Variants in DSCAML1 observed in about 807,000 individuals in gnomAD.
DSCAML1 encodes DS cell adhesion molecule like 1, also known as cell adhesion molecule DSCAML1.
In DSCAML1, 38 loss-of-function variants were observed where a neutral mutation model predicts 200.5. That is an observed-to-expected ratio of 0.19 (90% confidence interval 0.15 to 0.25). DSCAML1 has a LOEUF of 0.25. Among genes scored for constraint, DSCAML1 ranks in the 10% least tolerant of loss-of-function variants. DSCAML1 has a pLI of 1.00. For missense variants in DSCAML1, 2,223 were observed against 2,858.8 expected (o/e 0.78, Z 5.07); for synonymous variants, 1,215 against 1,165.0 (o/e 1.04, Z -0.87).
chr11:117,428,907 G>A (rs2047725128), intron 32 of DSCAML1, 104 bp from the exon 33 acceptor site: 2 of 1,172,170 alleles, frequency 1.7e-6, no homozygotes, highest in South Asian at 1.4e-5. Flanking sequence ...TCTCTGATTT[G>A]GCATAGGGGC....
chr11:117,785,857 G>T (rs1314218594), intron 1 of DSCAML1, among the ~76,000 whole-genome samples: 1 of 152,142 alleles, frequency 6.6e-6, no homozygotes, highest in Non-Finnish European at 1.5e-5. Flanking sequence ...CATTTTAAGG[G>T]TGAGGAAAAG....
chr11:117,686,594 C>T (rs2053404061), intron 3 of DSCAML1, among the ~76,000 whole-genome samples: 1 of 152,256 alleles, frequency 6.6e-6, no homozygotes, highest in Non-Finnish European at 1.5e-5. Context: ...TCTTGGCCTG[C>T]TTGTGGCCAA....
At position 117,529,427 on chromosome 11, in the gene DSCAML1, G is replaced by A. The variant is rs1168637328; in HGVS notation, c.658+2949C>T. 4.6e-5 allele frequency among the ~76,000 whole-genome samples: 7 copies of A among 152,256 alleles called. No homozygotes were observed. In the South Asian group the frequency reaches 1.0e-3, roughly 23 times the overall value. On this transcript the variant is annotated intron_variant, in intron 4 of 32. Transcript: ENST00000651296. ...TCATTCTCATGGCAACCCAGCAGGA[G>A]TACATTTTGTTACTCCCATTTTCCG...
intron 3 of DSCAML1, among the ~76,000 whole-genome samples, chr11:117,550,770 ACT>A (rs1232192459): frequency 2.0e-5 from 3 of 152,034 alleles, no homozygotes; most frequent in Non-Finnish European, 2.9e-5. Context: ...ACTCGCTGAC[ACT>A]CTCTGCACAA....
intron 3 of DSCAML1, among the ~76,000 whole-genome samples, chr11:117,651,858 G>C (rs145845309): frequency 6.6e-6 from 1 of 151,736 alleles, no homozygotes; most frequent in Admixed American, 6.6e-5. Flanking sequence ...ATGTCTCCCC[G>C]AGCCTCTGCA....
At chr11:117,736,890 A>G (rs1216327888) in intron 3 of DSCAML1, among the ~76,000 whole-genome samples, 1 of 152,212 alleles carries the variant, frequency 6.6e-6, no homozygotes, top group Non-Finnish European at 1.5e-5. Context: ...AGCTGTTGCA[A>G]TGTGGGCAAG....
At chr11:117,655,766 G>A (rs2052721019) in intron 3 of DSCAML1, among the ~76,000 whole-genome samples, 1 of 152,206 alleles carries the variant, frequency 6.6e-6, no homozygotes, top group Non-Finnish European at 1.5e-5. Context: ...AGATGCTGGG[G>A]AGAAAAGGCA....
At chr11:117,602,950 A>C (rs2051492269) in intron 3 of DSCAML1, among the ~76,000 whole-genome samples, 1 of 152,006 alleles carries the variant, frequency 6.6e-6, no homozygotes, top group South Asian at 2.1e-4. Context: ...AAAAAGTACA[A>C]CCAGGTGTGG....
Position 117,776,841 on chromosome 11 carries a change from T to G in DSCAML1, c.461A>C (p.Glu154Ala). The G allele has an allele frequency of 6.2e-7, 1 of 1,614,138 alleles. No homozygotes were observed. The change falls in exon 3 of 33, where the codon GAA becomes GCA. Residue 154 changes from glutamate to alanine, a missense_variant. Physicochemically the swap from Glu to Ala is moderately radical, Grantham distance 107. Around this residue, in one of 7 missense-constraint regions of DSCAML1, gnomAD observed 579 missense variants for 721.5 expected, o/e 0.80. Coordinates refer to ENST00000651296, the MANE Select transcript of DSCAML1 (RefSeq NM_020693.4). ...CTCCCAAGATACAACGCTAACATAT[T>G]CCTGCACTGAAGAGGGGATGAGGCA... ...FKCLIPSSVQ[E>A]YVSVVSWEKD... is the part of the protein sequence containing the mutation.
rs1165803897 is a variant in DSCAML1, at chr11:117,431,636, G to A, written c.5272C>T (p.Pro1758Ser). 6.2e-7 allele frequency: 1 copy of A among 1,613,554 alleles called. No individual in the cohort carries two copies. The change falls in exon 31 of 33, where the codon CCT becomes TCT. Residue 1758 changes from proline (P) to serine (S), a missense_variant. By Grantham distance (74) the Pro-to-Ser change is moderately conservative (BLOSUM62 -1). Around this residue, in one of 7 missense-constraint regions of DSCAML1, gnomAD observed 614 missense variants for 739.1 expected, o/e 0.83. Transcript: ENST00000651296. ...CAGTCGGAGGTGAGGGTGCGGGCAG[G>A]TGTGGAGGCCTGGCACTTGGTCAGG... is the stretch of plus-strand genomic sequence containing the variant. ...WTLTKCQASTPARTLTSDWRT... is the reference protein window; with the variant it reads ...WTLTKCQASTSARTLTSDWRT...
At chr11:117,679,904 T>C (rs924015359) in intron 3 of DSCAML1, among the ~76,000 whole-genome samples, 2 of 151,764 alleles carry the variant, frequency 1.3e-5, no homozygotes, top group African/African-American at 4.9e-5. Context: ...CTCCTCTCCA[T>C]GACACAGATG....
intron 3 of DSCAML1, among the ~76,000 whole-genome samples, chr11:117,685,187 G>C (rs1335394348): frequency 6.6e-6 from 1 of 152,210 alleles, no homozygotes; most frequent in Non-Finnish European, 1.5e-5. Context: ...GGAAGCTGTA[G>C]GAGTCAGGAT....
intron 20 of DSCAML1, among the ~76,000 whole-genome samples, chr11:117,445,433 G>T (rs1275575688): frequency 6.6e-6 from 1 of 152,230 alleles, no homozygotes; most frequent in Non-Finnish European, 1.5e-5. Context: ...GTTGATATGT[G>T]CTTGAAGTGT....
At chr11:117,745,189 G>A (rs1332667120) in intron 3 of DSCAML1, among the ~76,000 whole-genome samples, 4 of 148,000 alleles carry the variant, frequency 2.7e-5, no homozygotes, top group Non-Finnish European at 3.0e-5. Context: ...GGAGGGGCAC[G>A]TGGGAGGCTC....
intron 3 of DSCAML1, among the ~76,000 whole-genome samples, chr11:117,637,930 A>G (rs2052325137): frequency 6.6e-6 from 1 of 152,046 alleles, no homozygotes; most frequent in Non-Finnish European, 1.5e-5. Flanking sequence ...CCTCCTTCAA[A>G]CACCTATCTA....
At chr11:117,438,413 C>G (rs1207150657) in intron 24 of DSCAML1, among the ~76,000 whole-genome samples, 1 of 152,086 alleles carries the variant, frequency 6.6e-6, no homozygotes. Flanking sequence ...CACAAGGGGT[C>G]CTGTCTAGAT....
At chr11:117,710,744 T>C (rs76474385) in intron 3 of DSCAML1, among the ~76,000 whole-genome samples, 6,494 of 152,300 alleles carry the variant, frequency 0.043, 322 homozygotes, top group African/African-American at 0.12. Context: ...TGATGAATGG[T>C]AGCTGTTAGG....
chr11:117,732,471 G>A (rs1328986008), intron 3 of DSCAML1, among the ~76,000 whole-genome samples: 3 of 152,154 alleles, frequency 2.0e-5, no homozygotes, highest in African/African-American at 7.2e-5. Flanking sequence ...TGGGGGCCTG[G>A]CTGCCTCTAT....
chr11:117,572,637 AG>A (rs1565797690), intron 3 of DSCAML1, among the ~76,000 whole-genome samples: 3 of 152,170 alleles, frequency 2.0e-5, no homozygotes, highest in Admixed American at 6.5e-5. Context: ...GGGAATTATT[AG>A]GGAGTCCAAC....
Sources: allele counts gnomAD v4.1 joint callset (sites outside exome capture counted in the v4.1 genomes callset), GRCh38; gene constraint gnomAD v4.1.1; regional missense constraint gnomAD v4.1.1; transcripts MANE v1.5; gene names NCBI Gene and HGNC (gene_info 2026-07-23, HGNC 2026-07-21).